NKAIN3: variants seen among roughly 807,000 people sequenced by gnomAD.
The protein encoded by NKAIN3 is sodium/potassium transporting ATPase interacting 3.
NKAIN3 carries 25 observed loss-of-function variants against 30.2 expected under a neutral mutation model. The ratio of observed to expected loss-of-function variants is 0.83; its 90% CI spans 0.60 to 1.16. NKAIN3 has a LOEUF of 1.16. NKAIN3 is among the 50% of genes most tolerant of loss of function. The pLI, the probability that NKAIN3 is intolerant of heterozygous loss-of-function variation, is 0.00. For synonymous variants in NKAIN3, 91 were observed against 89.6 expected, an observed-to-expected ratio of 1.02 and a Z score of -0.09; for missense variants, 225 against 254.1, an observed-to-expected ratio of 0.89 and a Z score of 0.78.
intron 4 of NKAIN3, among the ~76,000 whole-genome samples, chr8:62,759,575 A>G (rs1167875857): frequency 6.6e-6 from 1 of 152,200 alleles, no homozygotes; most frequent in Non-Finnish European, 1.5e-5. Context: ...GAACATGGTC[A>G]TTAATTGGAT....
intron 5 of NKAIN3, among the ~76,000 whole-genome samples, chr8:62,997,074 A>G (rs868093369): frequency 9.2e-5 from 14 of 152,246 alleles, no homozygotes; most frequent in Middle Eastern, 6.8e-3. Flanking sequence ...CCAGCGCCAC[A>G]CTTCCTTTCC....
At chr8:62,783,339 A>C (rs574938263) in intron 4 of NKAIN3, among the ~76,000 whole-genome samples, 10 of 152,264 alleles carry the variant, frequency 6.6e-5, no homozygotes, top group Admixed American at 2.0e-4. Flanking sequence ...AGAAATCAGC[A>C]GTCTGCAGCC....
At chr8:62,946,295 GC>G (rs1823124448) in intron 5 of NKAIN3, among the ~76,000 whole-genome samples, 1 of 152,238 alleles carries the variant, frequency 6.6e-6, no homozygotes, top group Admixed American at 6.5e-5. Flanking sequence ...AGTCCACTGT[GC>G]CCAGCAGACC....
chr8:62,497,905 G>A (rs1311844822), intron 1 of NKAIN3, among the ~76,000 whole-genome samples: 1 of 152,122 alleles, frequency 6.6e-6, no homozygotes, highest in Non-Finnish European at 1.5e-5. Context: ...TAAGCCTGAT[G>A]GCACCTACCT....
chr8:62,432,119 A>G (rs370326720), intron 1 of NKAIN3, among the ~76,000 whole-genome samples: 172 of 152,100 alleles, frequency 1.1e-3, no homozygotes, highest in African/African-American at 4.0e-3. Context: ...CTTAAAAAAT[A>G]GAAAAATCAC....
chr8:62,593,787 C>T (rs536689424), intron 3 of NKAIN3, among the ~76,000 whole-genome samples: 10 of 151,998 alleles, frequency 6.6e-5, no homozygotes, highest in Admixed American at 1.3e-4. Context: ...AAAAATGTCA[C>T]CTTGCTAGAG....
intron 1 of NKAIN3, among the ~76,000 whole-genome samples, chr8:62,449,688 G>C (rs947370072): frequency 6.6e-6 from 1 of 152,054 alleles, no homozygotes; most frequent in African/African-American, 2.4e-5. Flanking sequence ...TAAAAGGTAT[G>C]TTTATGATTT....
At chr8:62,869,588 C>T (rs1020101269) in intron 4 of NKAIN3, among the ~76,000 whole-genome samples, 2 of 152,154 alleles carry the variant, frequency 1.3e-5, no homozygotes, top group African/African-American at 2.4e-5. Context: ...GTGGACTCCA[C>T]CAAATCGGCT....
chr8:62,369,803 T>C (rs937369482), intron 1 of NKAIN3, among the ~76,000 whole-genome samples: 3 of 151,926 alleles, frequency 2.0e-5, no homozygotes, highest in African/African-American at 7.2e-5. Flanking sequence ...AGTTAACAGA[T>C]AGAGCCTTCC....
intron 1 of NKAIN3, among the ~76,000 whole-genome samples, chr8:62,531,591 CTG>C (rs1217970021): frequency 6.6e-6 from 1 of 152,206 alleles, no homozygotes; most frequent in Admixed American, 6.5e-5. Context: ...CCCAACCAGA[CTG>C]AGCTCTTCAA....
chr8:62,881,936 G>T (rs1043107750), intron 4 of NKAIN3, among the ~76,000 whole-genome samples: 1 of 152,144 alleles, frequency 6.6e-6, no homozygotes, highest in Admixed American at 6.6e-5. Context: ...TTTGGAATTT[G>T]GCCATTCTAA....
At position 62,491,740 on chromosome 8, in the gene NKAIN3, AAGTCT is replaced by A. The variant is rs1563423205; in HGVS notation, c.55-87796_55-87792del. 8.5e-5 allele frequency among the ~76,000 whole-genome samples: 13 copies of A among 152,264 alleles called. No individual in the cohort carries two copies. The South Asian group carries it at 2.7e-3, about 32-fold the overall frequency. ...TTAATTAAGTAGCTGTAGGAAATAA[AAGTCT>A]AGGTTAAAGAGAATTACTCAGTATT... On this transcript the variant is annotated intron_variant, in intron 1 of 6. Coordinates refer to ENST00000623646, the MANE Select transcript of NKAIN3 (RefSeq NM_001304533.3).
chr8:62,464,116 A>T (rs549209988), intron 1 of NKAIN3, among the ~76,000 whole-genome samples: 1 of 152,204 alleles, frequency 6.6e-6, no homozygotes, highest in Non-Finnish European at 1.5e-5. Context: ...ATGTACCTTG[A>T]TATTGTTAAG....
At chr8:62,357,210 C>T (rs1585718145) in intron 1 of NKAIN3, among the ~76,000 whole-genome samples, 1 of 152,134 alleles carries the variant, frequency 6.6e-6, no homozygotes, top group African/African-American at 2.4e-5. Flanking sequence ...AGTTTGAGAA[C>T]AGCCTGGGCA....
At chr8:62,804,207 T>C (rs1327495762) in intron 4 of NKAIN3, among the ~76,000 whole-genome samples, 4 of 152,164 alleles carry the variant, frequency 2.6e-5, no homozygotes, top group Non-Finnish European at 5.9e-5. Flanking sequence ...GGTACCATTC[T>C]GTCTGAAACT....
At chr8:62,340,556 G>A (rs1815708688) in intron 1 of NKAIN3, among the ~76,000 whole-genome samples, 1 of 151,976 alleles carries the variant, frequency 6.6e-6, no homozygotes, top group South Asian at 2.1e-4. Flanking sequence ...GAAGTTCAAA[G>A]TCCTCAGCCT....
At chr8:62,517,967 G>T (rs116358914) in intron 1 of NKAIN3, among the ~76,000 whole-genome samples, 2,065 of 152,098 alleles carry the variant, frequency 0.014, 33 homozygotes, top group African/African-American at 0.044. Context: ...AATGGCCTGG[G>T]AATCATATAG....
At chr8:62,309,945 A>G (rs1225553721) in intron 1 of NKAIN3, among the ~76,000 whole-genome samples, 3 of 150,306 alleles carry the variant, frequency 2.0e-5, no homozygotes, top group African/African-American at 5.0e-5. Context: ...TATATATCTC[A>G]CATTCATCCT....
chr8:62,421,264 A>G (rs1026794890), intron 1 of NKAIN3, among the ~76,000 whole-genome samples: 7 of 152,276 alleles, frequency 4.6e-5, no homozygotes, highest in Non-Finnish European at 8.8e-5. Flanking sequence ...TGTTGCAGAT[A>G]GAAGAGTATT....
Sources: allele counts gnomAD v4.1 joint callset (sites outside exome capture counted in the v4.1 genomes callset), GRCh38; gene constraint gnomAD v4.1.1; transcripts MANE v1.5; gene names NCBI Gene and HGNC (gene_info 2026-07-23, HGNC 2026-07-21).